CTNNA2: variants seen among roughly 807,000 people sequenced by gnomAD.
CTNNA2 encodes the protein catenin alpha-2.
Under a neutral mutation model 101.0 loss-of-function variants are expected in CTNNA2, and 42 were observed. That is an observed-to-expected ratio of 0.42 (90% CI 0.32 to 0.54). The LOEUF (loss-of-function observed/expected upper bound fraction) is 0.54, where lower values mean the gene tolerates loss of function less well. Among genes scored for constraint, CTNNA2 ranks in the 20% least tolerant of loss-of-function variants. The pLI is 0.14. For missense variants in CTNNA2, 871 were observed against 1,223.1 expected (o/e 0.71, Z 4.29); for synonymous variants, 450 against 456.4 (o/e 0.99, Z 0.18).
intron 9 of CTNNA2, among the ~76,000 whole-genome samples, chr2:80,420,034 GAAAAAAAAA>G (rs527701227): frequency 5.3e-5 from 2 of 37,548 alleles, no homozygotes; most frequent in Non-Finnish European, 6.0e-5. Context: ...GGGAACTTGT[GAAAAAAAAA>G]AAAAAAAAAA....
chr2:80,487,254 C>G (rs1686665488), intron 9 of CTNNA2, among the ~76,000 whole-genome samples: 1 of 147,646 alleles, frequency 6.8e-6, no homozygotes, highest in Non-Finnish European at 1.5e-5. Flanking sequence ...GCACTCCAGC[C>G]TGGGCGACAG....
chr2:80,237,211 G>C (rs539999683), intron 7 of CTNNA2, among the ~76,000 whole-genome samples: 1 of 152,114 alleles, frequency 6.6e-6, no homozygotes, highest in Non-Finnish European at 1.5e-5. Flanking sequence ...TGGAGACACT[G>C]GTCCCAGCCC....
intron 2 of CTNNA2, among the ~76,000 whole-genome samples, chr2:79,670,350 C>G (rs1318888284): frequency 6.6e-6 from 1 of 152,120 alleles, no homozygotes; most frequent in Admixed American, 6.5e-5. Flanking sequence ...GAGCTGTAGC[C>G]CCGCCCTCCT....
At chr2:80,162,378 A>C in intron 7 of CTNNA2, 1 of 1,398,386 alleles carries the variant, frequency 7.2e-7, no homozygotes, top group Non-Finnish European at 9.6e-7. Context: ...TTTTCAACAA[A>C]ATATTTCCAT....
chr2:80,601,421 C>CTTTTTTTTTTTTTTTTTTTTTT (rs56921519), intron 15 of CTNNA2, among the ~76,000 whole-genome samples: 5 of 84,386 alleles, frequency 5.9e-5, no homozygotes, highest in African/African-American at 2.4e-4. Context: ...TTCTTTCTTT[C>CTTTTTTTTTTTTTTTTTTTTTT]TTTTTTTTTT....
intron 14 of CTNNA2, among the ~76,000 whole-genome samples, chr2:80,585,991 T>C (rs938681703): frequency 4.6e-5 from 7 of 152,222 alleles, no homozygotes; most frequent in Admixed American, 3.3e-4. Context: ...TATCTTCCTT[T>C]GCAAACTTGC....
At chr2:79,511,051 GT>G (rs1275295128), upstream of CTNNA2, among the ~76,000 whole-genome samples, 3 of 152,308 alleles carry the variant, frequency 2.0e-5, no homozygotes, top group East Asian at 5.8e-4. Flanking sequence ...GTAGTTTTTA[GT>G]TTATTCCCTC....
intron 7 of CTNNA2, among the ~76,000 whole-genome samples, chr2:80,111,818 G>A (rs978578088): frequency 3.3e-5 from 5 of 152,196 alleles, no homozygotes; most frequent in African/African-American, 4.8e-5. Flanking sequence ...ATGAGCCACT[G>A]TGTTTAGCCT....
chr2:80,133,604 T>C (rs1412705359), intron 7 of CTNNA2, among the ~76,000 whole-genome samples: 1 of 152,148 alleles, frequency 6.6e-6, no homozygotes, highest in East Asian at 1.9e-4. Context: ...ATTGAACCTC[T>C]ACTGGACAGA....
chr2:79,417,546 G>A (rs918811079), intron 4 of CTNNA2, among the ~76,000 whole-genome samples: 1 of 152,084 alleles, frequency 6.6e-6, no homozygotes, highest in Non-Finnish European at 1.5e-5. Context: ...GATTAATTGA[G>A]TTCTTGCTTC....
chr2:80,029,747 T>G (rs1328100235), intron 7 of CTNNA2, among the ~76,000 whole-genome samples: 8 of 151,616 alleles, frequency 5.3e-5, no homozygotes, highest in African/African-American at 1.9e-4. Context: ...GGAGGTGAGA[T>G]GCCAAGTTTA....
At chr2:79,584,588 G>A (rs750382305) in intron 1 of CTNNA2, among the ~76,000 whole-genome samples, 67 of 150,102 alleles carry the variant, frequency 4.5e-4, no homozygotes, top group Non-Finnish European at 5.5e-4. Context: ...GCAATGGCAC[G>A]ATTTCAGCTC....
intron 7 of CTNNA2, among the ~76,000 whole-genome samples, chr2:79,974,516 A>C (rs1690702502): frequency 6.6e-6 from 1 of 152,214 alleles, no homozygotes; most frequent in African/African-American, 2.4e-5. Flanking sequence ...ACCACATTTA[A>C]GTAAAGTTCT....
At chr2:79,267,440 A>G (rs895661075) in intron 2 of CTNNA2, among the ~76,000 whole-genome samples, 1 of 152,096 alleles carries the variant, frequency 6.6e-6, no homozygotes, top group African/African-American at 2.4e-5. Flanking sequence ...TAAGGGCACT[A>G]ATCATATTAA....
chr2:79,751,706 G>A (rs1287777280), intron 3 of CTNNA2, among the ~76,000 whole-genome samples: 8 of 151,130 alleles, frequency 5.3e-5, no homozygotes, highest in Admixed American at 4.6e-4. Flanking sequence ...AGAGAGGGAA[G>A]GAGGACAGAA....
intron 7 of CTNNA2, among the ~76,000 whole-genome samples, chr2:80,085,519 G>C (rs1699383370): frequency 6.6e-6 from 1 of 152,006 alleles, no homozygotes; most frequent in South Asian, 2.1e-4. Context: ...TAAGGCCAAT[G>C]GTGGTGCACA....
At chr2:79,320,380 C>T (rs1676591882) in intron 3 of CTNNA2, among the ~76,000 whole-genome samples, 1 of 151,690 alleles carries the variant, frequency 6.6e-6, no homozygotes, top group African/African-American at 2.4e-5. Flanking sequence ...GGGACTTACC[C>T]CACATACCAA....
chr2:80,175,194 C>T (rs1233088538), intron 7 of CTNNA2, among the ~76,000 whole-genome samples: 1 of 152,174 alleles, frequency 6.6e-6, no homozygotes, highest in Non-Finnish European at 1.5e-5. Context: ...GCCTGGAATA[C>T]TCTTCAGATC....
chr2:79,303,606 C>T (rs1676165281), intron 2 of CTNNA2, among the ~76,000 whole-genome samples: 1 of 152,042 alleles, frequency 6.6e-6, no homozygotes, highest in Non-Finnish European at 1.5e-5. Flanking sequence ...TCTTGTCTGA[C>T]TTCTCTTCAG....
Sources: gnomAD v4.1 joint callset for allele counts (sites outside exome capture counted in the v4.1 genomes callset) on GRCh38, gnomAD v4.1.1 for gene constraint, MANE v1.5 for transcripts, NCBI Gene and HGNC (gene_info 2026-07-23, HGNC 2026-07-21) for gene names.